The following AP4E1 variants were observed in gnomAD, a reference collection of about 807,000 sequenced individuals.
AP4E1 encodes the protein adaptor related protein complex 4 subunit epsilon 1.
In AP4E1, 56 loss-of-function variants were observed where a neutral mutation model predicts 128.2. That is an observed-to-expected ratio of 0.44 (90% CI 0.35 to 0.55). The LOEUF (loss-of-function observed/expected upper bound fraction) is 0.55. Ranked by LOEUF, AP4E1 falls within the 20% of genes least tolerant of loss-of-function variation. The pLI, the probability that AP4E1 is intolerant of heterozygous loss-of-function variation, is 0.00. For missense variants in AP4E1, 1,324 were observed against 1,307.7 expected (o/e 1.01, Z -0.19); for synonymous variants, 484 against 473.1 (o/e 1.02, Z -0.30).
At chr15:50,999,888 T>A (rs757991226) in intron 19 of AP4E1, among the ~76,000 whole-genome samples, 13 of 126,580 alleles carry the variant, frequency 1.0e-4, no homozygotes, top group Middle Eastern at 0.01. Context: ...GAGTGTGATG[T>A]GTTATTAAAC....
intron 5 of AP4E1, among the ~76,000 whole-genome samples, chr15:50,927,701 T>A (rs1445327611): frequency 6.6e-6 from 1 of 152,012 alleles, no homozygotes; most frequent in Non-Finnish European, 1.5e-5. Flanking sequence ...TTTTCCGTTA[T>A]GGCATAGCTT....
At chr15:50,925,247 C>A (rs759084476) in intron 5 of AP4E1, 28 bp downstream of exon 5, 1 of 1,602,040 alleles carries the variant, frequency 6.2e-7, no homozygotes, top group South Asian at 1.1e-5. Flanking sequence ...GGATAGGCAT[C>A]TATGCCATAT....
chr15:50,936,850 C>G (rs1436872424), intron 8 of AP4E1, among the ~76,000 whole-genome samples: 1 of 152,058 alleles, frequency 6.6e-6, no homozygotes, highest in Non-Finnish European at 1.5e-5. Flanking sequence ...AGGAGAATTG[C>G]TTGAACCGGG....
chr15:50,995,546 G>A (rs1301733231), intron 17 of AP4E1, among the ~76,000 whole-genome samples: 6 of 150,968 alleles, frequency 4.0e-5, no homozygotes, highest in East Asian at 2.0e-4. Flanking sequence ...CCACCACGCC[G>A]AGCTCATTTT....
upstream of AP4E1, among the ~76,000 whole-genome samples, chr15:50,908,384 G>T (rs1278034113): frequency 6.6e-6 from 1 of 152,154 alleles, no homozygotes; most frequent in East Asian, 1.9e-4. Context: ...CCAGGAAGAC[G>T]CAACTCCTGA....
intron 15 of AP4E1, among the ~76,000 whole-genome samples, chr15:50,976,097 C>CAA (rs34632792): frequency 1.3e-4 from 19 of 151,158 alleles, no homozygotes; most frequent in Middle Eastern, 3.2e-3. Flanking sequence ...AGAGCCACCA[C>CAA]AAAAAAAAGA....
chr15:50,914,887 C>G lies in AP4E1; in HGVS notation c.223-561C>G, dbSNP rs932499482. On this transcript the variant is annotated intron_variant, in intron 2 of 20. Transcript: ENST00000261842. ...GCTATGCCATTAATGAAATCATGCC[C>G]CTCAGTTTATAATTGTGAGTTATTA... is the stretch of plus-strand genomic sequence containing the variant. Among the ~76,000 whole-genome samples, 5 of 151,942 alleles carry G rather than the reference C, an allele frequency of 3.3e-5. No homozygotes were observed. The East Asian group carries it at 5.8e-4, about 18-fold the overall frequency.
At chr15:50,990,880 G>A (rs1220945230) in intron 16 of AP4E1, among the ~76,000 whole-genome samples, 1 of 152,186 alleles carries the variant, frequency 6.6e-6, no homozygotes, top group Non-Finnish European at 1.5e-5. Context: ...CACATTCTGT[G>A]ATGGCATTTA....
chr15:50,908,861 C>A lies in AP4E1; in HGVS notation c.83C>A (p.Ala28Asp), dbSNP rs2063529883. 5.0e-6 allele frequency: 8 copies of A among 1,609,296 alleles called. No homozygotes were observed. Among genetic ancestry groups the A allele is most frequent in the Non-Finnish European group, 6.8e-6 (8 of 1,178,866 alleles). Residue 28 changes from alanine to aspartate, a missense_variant, in exon 1 of 21, where the codon GCC becomes GAC. Coordinates refer to ENST00000261842, the MANE Select transcript of AP4E1 (RefSeq NM_007347.5). ...CAGCCCGGTGGTGGGCCCGCGGCCG[C>A]CAAGGCGTCCTTCTCCTCGAGGCTG... Reference protein sequence around the residue: ...QNQPGGGPAAAKASFSSRLGS... With the variant: ...QNQPGGGPAADKASFSSRLGS...
chr15:50,987,093 C>T (rs1187832318), intron 16 of AP4E1, among the ~76,000 whole-genome samples: 1 of 152,132 alleles, frequency 6.6e-6, no homozygotes, highest in African/African-American at 2.4e-5. Context: ...AGTTTATTTG[C>T]GTAGAGGTGT....
chr15:50,943,990 G>T (rs2064022828), intron 10 of AP4E1, among the ~76,000 whole-genome samples: 1 of 152,058 alleles, frequency 6.6e-6, no homozygotes, highest in Non-Finnish European at 1.5e-5. Flanking sequence ...CACAGATAGG[G>T]GGTTTATAAT....
intron 17 of AP4E1, among the ~76,000 whole-genome samples, chr15:50,995,625 AT>A (rs1375713542): frequency 6.6e-6 from 1 of 151,990 alleles, no homozygotes; most frequent in East Asian, 1.9e-4. Flanking sequence ...ACTTCAAGTG[AT>A]TCGCCTCCCT....
chr15:50,992,529 A>T (rs1360713738), intron 16 of AP4E1, among the ~76,000 whole-genome samples: 1 of 152,184 alleles, frequency 6.6e-6, no homozygotes, highest in South Asian at 2.1e-4. Flanking sequence ...GTCACTCCAG[A>T]TTCACAACTG....
At chr15:50,969,938 C>A (rs1020506307) in intron 15 of AP4E1, among the ~76,000 whole-genome samples, 2 of 152,154 alleles carry the variant, frequency 1.3e-5, no homozygotes, top group African/African-American at 4.8e-5. Context: ...GGACTACCGG[C>A]GTGAGCCACC....
upstream of AP4E1, among the ~76,000 whole-genome samples, chr15:50,907,604 T>C (rs998439934): frequency 7.9e-5 from 12 of 152,212 alleles, no homozygotes; most frequent in Non-Finnish European, 1.8e-4. Flanking sequence ...CACGTATTTA[T>C]GCCCTAAACC....
At position 50,993,437 on chromosome 15, in the gene AP4E1, G is replaced by A. The variant is rs762146194; in HGVS notation, c.2158G>A (p.Glu720Lys). ...WGKEGYLPKK[E>K]SKTGDESGAL... ...GAAAGAAGGCTATCTTCCCAAGAAG[G>A]AAAGCAAAACTGGTGATGAAAGTGG... Residue 720 changes from glutamate to lysine, a missense_variant, in exon 17 of 21, where the codon GAA becomes AAA. Physicochemically the swap from Glu to Lys is moderately conservative, Grantham distance 56. Coordinates refer to ENST00000261842, the MANE Select transcript of AP4E1 (RefSeq NM_007347.5). 3 of 1,613,986 alleles carry A rather than the reference G, an allele frequency of 1.9e-6. No individual in the cohort carries two copies. Among genetic ancestry groups the A allele is most frequent in the Non-Finnish European group, 2.5e-6 (3 of 1,179,966 alleles).
intron 5 of AP4E1, among the ~76,000 whole-genome samples, chr15:50,928,493 G>A (rs2063793725): frequency 6.6e-6 from 1 of 151,940 alleles, no homozygotes; most frequent in Non-Finnish European, 1.5e-5. Context: ...TCGCCATGTT[G>A]GCCAGGCTGG....
rs28411805 is a variant in AP4E1 at position 50,930,171 on chromosome 15, G to T, written c.703-634G>T. Among the ~76,000 whole-genome samples, 551 of 143,716 alleles carry T rather than the reference G, an allele frequency of 3.8e-3. 6 individuals are homozygous for T. Among genetic ancestry groups the T allele is most frequent in the Non-Finnish European group, 6.7e-3 (441 of 66,088 alleles). 94.3% of individuals were successfully genotyped at this position (143,716 alleles called of 152,430 possible). On this transcript the variant is annotated intron_variant, in intron 6 of 20. Transcript: ENST00000261842. ...CAACCTCCCCGTCCCAGGTTCAAGC[G>T]ATTCTCCTGCCTCAGCCTCTCGAGT...
Position 50,929,165 on chromosome 15 carries a change from T to G in AP4E1, c.699T>G (p.Ile233Met). 9 of 1,613,660 alleles carry G rather than the reference T, an allele frequency of 5.6e-6. No individual in the cohort carries two copies. The highest frequency in any genetic ancestry group is 5.1e-6 in the Non-Finnish European group (6 of 1,179,860). Reference sequence around the variant, plus strand: ...CCTTGCATATATATCTTAGAATGATTAAGGTAAGTTGGAAATTTTAGCAAG... The same window carrying G: ...CCTTGCATATATATCTTAGAATGATGAAGGTAAGTTGGAAATTTTAGCAAG... The part of the protein sequence containing the change: ...AASLHIYLRM[I>M]KENSSGYKDL... The change falls in exon 6 of 21, where the codon ATT (isoleucine) becomes ATG (methionine). Residue 233 changes from isoleucine (I) to methionine (M), a missense_variant. Coordinates refer to ENST00000261842, the MANE Select transcript of AP4E1 (RefSeq NM_007347.5).
Sources: allele counts gnomAD v4.1 joint callset (sites outside exome capture counted in the v4.1 genomes callset), GRCh38; gene constraint gnomAD v4.1.1; transcripts MANE v1.5; gene names NCBI Gene and HGNC (gene_info 2026-07-23, HGNC 2026-07-21).